Variants in PIK3R3 observed in about 807,000 individuals in gnomAD.
PIK3R3 encodes the protein phosphatidylinositol 3-kinase regulatory subunit gamma.
Under a neutral mutation model 62.9 loss-of-function variants are expected in PIK3R3, and 64 were observed. The observed-to-expected ratio is 1.02, with a 90% CI of 0.83 to 1.25. PIK3R3 has a LOEUF of 1.25. PIK3R3 is among the 50% of genes most tolerant of loss of function. PIK3R3 has a pLI of 0.00. For synonymous variants in PIK3R3, 165 were observed against 189.0 expected (o/e 0.87, Z 1.04); for missense variants, 614 against 561.6 (o/e 1.09, Z -0.94).
intron 1 of PIK3R3, among the ~76,000 whole-genome samples, chr1:46,092,354 CTGTTT>C (rs556939504): frequency 2.4e-4 from 37 of 152,124 alleles, no homozygotes; most frequent in Non-Finnish European, 3.5e-4. Flanking sequence ...TCCTTGACTT[CTGTTT>C]TGTTTTGTTT....
intron 6 of PIK3R3, among the ~76,000 whole-genome samples, chr1:46,060,504 A>T (rs1461232780): frequency 2.0e-5 from 3 of 152,326 alleles, no homozygotes; most frequent in African/African-American, 4.8e-5. Context: ...AAATAAATAA[A>T]TAATTATCAT....
chr1:46,081,464 T>G (rs970998745), intron 1 of PIK3R3, among the ~76,000 whole-genome samples: 1 of 152,122 alleles, frequency 6.6e-6, no homozygotes, highest in Non-Finnish European at 1.5e-5. Flanking sequence ...CGGCATTAGA[T>G]TCTCATAGAA....
chr1:46,140,660 T>C, the PIK3R3 span, among the ~76,000 whole-genome samples: 3 of 152,050 alleles, frequency 2.0e-5, no homozygotes, highest in African/African-American at 7.2e-5. Flanking sequence ...TGGAGTGATA[T>C]ATCTATAAGG....
intron 6 of PIK3R3, chr1:46,056,840 T>C (rs757310476): frequency 2.0e-5 from 3 of 152,228 alleles, no homozygotes; most frequent in Non-Finnish European, 4.4e-5. Context: ...AGCTATACAT[T>C]TGATATTCCA....
At chr1:46,125,075 G>T (rs1654980107) in intron 1 of PIK3R3, among the ~76,000 whole-genome samples, 1 of 151,932 alleles carries the variant, frequency 6.6e-6, no homozygotes, top group African/African-American at 2.4e-5. Context: ...CTCCAGACTG[G>T]GGGACAAGAG....
intron 9 of PIK3R3, among the ~76,000 whole-genome samples, chr1:46,045,616 G>GC: frequency 6.0e-5 from 1 of 16,546 alleles, no homozygotes; most frequent in Non-Finnish European, 1.2e-4. Context: ...ACAATTAAGT[G>GC]CTTTTTTTTT....
At position 46,098,857 on chromosome 1, in the gene PIK3R3, T is replaced by C. The variant is rs552024869; in HGVS notation, c.107-18107A>G. ...CTGGGACTACAGGCACACGACACCA[T>C]GCTTAGCTAATTTTTTTTTATTTTT... On this transcript the variant is annotated intron_variant, in intron 1 of 9. Coordinates refer to ENST00000262741, the MANE Select transcript of PIK3R3 (RefSeq NM_003629.4). Among the ~76,000 whole-genome samples the C allele has an allele frequency of 4.7e-5, 6 of 126,380 alleles. No individual in the cohort carries two copies. In the South Asian group the frequency reaches 7.9e-4, roughly 17 times the overall value. 82.9% of individuals were successfully genotyped at this position (126,380 alleles called of 152,430 possible). A position where few individuals can be genotyped will look rare whatever the true frequency, so the allele number is the denominator to read the frequency against.
intron 3 of PIK3R3, among the ~76,000 whole-genome samples, chr1:46,072,929 AC>A (rs1470558325): frequency 6.7e-6 from 1 of 148,798 alleles, no homozygotes; most frequent in African/African-American, 2.5e-5. Flanking sequence ...ACAGAGAGAG[AC>A]CCTGTCTCAA....
At chr1:46,126,852 C>T (rs991098067) in intron 1 of PIK3R3, among the ~76,000 whole-genome samples, 2 of 151,724 alleles carry the variant, frequency 1.3e-5, no homozygotes, top group Non-Finnish European at 2.9e-5. Context: ...TATTCTAATA[C>T]TACAAATATC....
At chr1:46,102,585 T>C (rs2149443837) in intron 1 of PIK3R3, among the ~76,000 whole-genome samples, 1 of 152,156 alleles carries the variant, frequency 6.6e-6, no homozygotes, top group Admixed American at 6.5e-5. Context: ...TAGAACTCAT[T>C]TATAAATCTA....
the PIK3R3 span, among the ~76,000 whole-genome samples, chr1:46,172,344 G>A: frequency 6.6e-6 from 1 of 152,278 alleles, no homozygotes; most frequent in African/African-American, 2.4e-5. Flanking sequence ...AAGTGAGGTG[G>A]TAGGGGGCAA....
chr1:46,136,104 A>C (rs1314118160), upstream of PIK3R3, among the ~76,000 whole-genome samples: 10 of 145,864 alleles, frequency 6.9e-5, no homozygotes, highest in East Asian at 2.0e-3. Flanking sequence ...TAGCATTAGC[A>C]CCAGAACTGA....
chr1:46,152,560 C>CTTTTTT, the PIK3R3 span, among the ~76,000 whole-genome samples: 4 of 124,500 alleles, frequency 3.2e-5, no homozygotes, highest in East Asian at 2.4e-4. Context: ...TGATTAACAT[C>CTTTTTT]TTTTTTTTTT....
intron 3 of PIK3R3, among the ~76,000 whole-genome samples, chr1:46,068,170 A>C (rs1007357801): frequency 6.6e-6 from 1 of 152,226 alleles, no homozygotes; most frequent in Admixed American, 6.5e-5. Context: ...TGGATGATAA[A>C]TTATTTCTAT....
the PIK3R3 span, among the ~76,000 whole-genome samples, chr1:46,138,288 A>G: frequency 3.9e-5 from 6 of 152,310 alleles, no homozygotes; most frequent in African/African-American, 1.4e-4. Flanking sequence ...ACAGGTCTCA[A>G]ATCTAAAAAC....
the PIK3R3 span, among the ~76,000 whole-genome samples, chr1:46,168,372 T>C: frequency 2.2e-3 from 330 of 152,310 alleles, 1 homozygote; most frequent in Non-Finnish European, 2.0e-3. Flanking sequence ...GATTCAGTTC[T>C]GTGTCCTTGG....
At chr1:46,100,951 G>C (rs1652604277) in intron 1 of PIK3R3, among the ~76,000 whole-genome samples, 1 of 151,982 alleles carries the variant, frequency 6.6e-6, no homozygotes, top group African/African-American at 2.4e-5. Flanking sequence ...ACTTTGGGAG[G>C]CTGAGGTAGG....
the PIK3R3 span, among the ~76,000 whole-genome samples, chr1:46,162,713 C>G: frequency 1.3e-5 from 2 of 152,112 alleles, no homozygotes; most frequent in Admixed American, 1.3e-4. Flanking sequence ...CTTCCACCTC[C>G]GAGGTTCAAG....
chr1:46,061,038 T>A (rs1023997548), intron 6 of PIK3R3, among the ~76,000 whole-genome samples: 2 of 152,184 alleles, frequency 1.3e-5, no homozygotes, highest in Non-Finnish European at 1.5e-5. Flanking sequence ...TCTTAGCATC[T>A]ACCATCAACT....
Sources: allele counts gnomAD v4.1 joint callset (sites outside exome capture counted in the v4.1 genomes callset), GRCh38; gene constraint gnomAD v4.1.1; transcripts MANE v1.5; gene names NCBI Gene and HGNC (gene_info 2026-07-23, HGNC 2026-07-21).